Variants in FN1 observed in about 807,000 individuals in gnomAD.
FN1 encodes fibronectin.
A neutral mutation model predicts 297.3 loss-of-function variants in FN1; 106 were observed. The ratio of observed to expected loss-of-function variants is 0.36; its 90% CI spans 0.30 to 0.42. FN1 has a LOEUF of 0.42. Among genes scored for constraint, FN1 ranks in the 10% least tolerant of loss-of-function variants. The pLI, the probability that FN1 is intolerant of heterozygous loss-of-function variation, is 1.00. For synonymous variants in FN1, 1,149 were observed against 1,152.6 expected (o/e 1.00, Z 0.06); for missense variants, 2,690 against 3,124.9 (o/e 0.86, Z 3.32).
chr2:215,378,626 C>T (rs1318448252), intron 34 of FN1, among the ~76,000 whole-genome samples: 1 of 152,116 alleles, frequency 6.6e-6, no homozygotes, highest in Admixed American at 6.5e-5. Flanking sequence ...TCCATTTTGT[C>T]TCTGAACCCT....
chr2:215,379,012 AT>A, intron 34 of FN1, 117 bp downstream of exon 34: 3 of 966,568 alleles, frequency 3.1e-6, no homozygotes, highest in Non-Finnish European at 4.9e-6. Flanking sequence ...CAATAAGATT[AT>A]TTGATGCAGA....
intron 27 of FN1, among the ~76,000 whole-genome samples, chr2:215,387,823 T>C (rs1426457446): frequency 3.3e-5 from 5 of 152,334 alleles, no homozygotes; most frequent in Admixed American, 1.3e-4. Context: ...TAAATGCATA[T>C]TTTATTAAGT....
rs1414870590 is a variant in FN1 at position 215,410,517 on chromosome 2, T to A, written c.1942-403A>T. Reference sequence around the variant, plus strand: ...CACTGGGCACCTTCACTTTTTTTTTTTTTTTTTGAGACAGAGTTTTGCTCT... The same window carrying A: ...CACTGGGCACCTTCACTTTTTTTTTATTTTTTTGAGACAGAGTTTTGCTCT... On this transcript the variant is annotated intron_variant, in intron 13 of 45. Coordinates refer to ENST00000354785, the MANE Select transcript of FN1 (RefSeq NM_212482.4). Among the ~76,000 whole-genome samples the A allele has an allele frequency of 9.2e-5, 14 of 151,946 alleles. No individual in the cohort carries two copies. The East Asian group carries it at 2.7e-3, about 29-fold the overall frequency.
chr2:215,428,392 A>G, intron 5 of FN1, 54 bp from the exon 6 acceptor site: 2 of 1,531,474 alleles, frequency 1.3e-6, no homozygotes, highest in South Asian at 2.2e-5. Flanking sequence ...GCAAGTGGTC[A>G]ATTCAAACTT....
Position 215,372,148 on chromosome 2 carries a change from G to A in FN1, c.6475C>T (p.Pro2159Ser), listed in dbSNP as rs760226039. ...RRTTPPTTATPIRHRPRPYPP... is the reference protein window; with the variant it reads ...RRTTPPTTATSIRHRPRPYPP... ...TATGGTCTTGGCCTATGCCTTATGG[G>A]GGTGGCCGTTGTGGGCGGTGTGGTC... Residue 2159 changes from proline (P) to serine (S), a missense_variant, in exon 40 of 46, where the codon CCC (proline) becomes TCC (serine). Around this residue, in one of 3 missense-constraint regions of FN1, gnomAD observed 1,743 missense variants for 1,945.2 expected, o/e 0.90. Coordinates refer to ENST00000354785, the MANE Select transcript of FN1 (RefSeq NM_212482.4). 1.2e-6 allele frequency: 2 copies of A among 1,614,222 alleles called. No individual in the cohort carries two copies. The highest frequency in any genetic ancestry group is 2.2e-5 in the East Asian group (1 of 44,886).
chr2:215,429,038 CA>C (rs999053718), intron 5 of FN1, among the ~76,000 whole-genome samples: 2 of 150,812 alleles, frequency 1.3e-5, no homozygotes, highest in South Asian at 4.2e-4. Context: ...CAAAACAAAA[CA>C]AAAAAAACAA....
intron 31 of FN1, 35 bp from the exon 32 acceptor site, chr2:215,382,360 C>A (rs778157747): frequency 1.5e-6 from 2 of 1,354,530 alleles, no homozygotes; most frequent in Non-Finnish European, 2.1e-6. Context: ...GCAACATCCA[C>A]GTCATCCACT....
chr2:215,389,831 T>C (rs974406900), intron 26 of FN1, among the ~76,000 whole-genome samples: 5 of 152,084 alleles, frequency 3.3e-5, no homozygotes, highest in African/African-American at 1.2e-4. Flanking sequence ...ACCTAGATGG[T>C]AGAGCCTTTG....
intron 20 of FN1, among the ~76,000 whole-genome samples, chr2:215,399,758 G>A (rs1485448794): frequency 6.6e-6 from 1 of 152,140 alleles, no homozygotes; most frequent in Non-Finnish European, 1.5e-5. Context: ...TGACTTTGAT[G>A]ACAATAAATT....
rs1220192811 is a variant in FN1, at chr2:215,404,385, T to G, written c.3253+4A>C. 1 of 1,613,838 alleles carries G rather than the reference T, an allele frequency of 6.2e-7. No individual in the cohort carries two copies. The highest frequency in any genetic ancestry group is 2.2e-5 in the East Asian group (1 of 44,900). ...TAAGAAAAGGCACTTAATTTTCAGC[T>G]TACGTGTGGTAAAGACTCCAGTGGC... is the stretch of plus-strand genomic sequence containing the variant. On this transcript the variant is annotated splice_donor_region_variant and intron_variant, in intron 20 of 45. Coordinates refer to ENST00000354785, the MANE Select transcript of FN1 (RefSeq NM_212482.4).
Position 215,421,006 on chromosome 2 carries a change from C to T in FN1, c.1547-205G>A, listed in dbSNP as rs13416478. ...TTTGCCAAAAAAATTTTTTTCTTCCCAAAATGTGTAACTTTTGCAGAGGTT... is the reference window on the plus strand; with the variant it reads ...TTTGCCAAAAAAATTTTTTTCTTCCTAAAATGTGTAACTTTTGCAGAGGTT... On this transcript the variant is annotated intron_variant, in intron 10 of 45. Coordinates refer to ENST00000354785, the MANE Select transcript of FN1 (RefSeq NM_212482.4). 113,966 of 553,432 alleles carry T rather than the reference C, an allele frequency of 0.21. 13,720 individuals are homozygous for T. The highest frequency in any genetic ancestry group is 0.28 in the African/African-American group (14,705 of 52,760). The allele number at this position is 553,432 out of a possible 1,614,324, so 34.3% of individuals were successfully genotyped here.
rs765460308 is a variant in FN1 at position 215,384,846 on chromosome 2, T to G, written c.4729+14A>C. 6.6e-7 allele frequency: 1 copy of G among 1,510,404 alleles called. No homozygotes were observed. The highest frequency in any genetic ancestry group is 1.1e-5 in the South Asian group (1 of 89,078). 93.6% of individuals were successfully genotyped at this position (1,510,404 alleles called of 1,614,324 possible). ...GATTTAATCAGAGTGTAAAATAGCA[T>G]TTTACTGCTGTACCTGTCTCTCCGT... is the stretch of plus-strand genomic sequence containing the variant. On this transcript the variant is annotated intron_variant, in intron 29 of 45. Coordinates refer to ENST00000354785, the MANE Select transcript of FN1 (RefSeq NM_212482.4).
chr2:215,392,594 C>A, intron 25 of FN1: 1 of 350,410 alleles, frequency 2.9e-6, no homozygotes, highest in Non-Finnish European at 5.5e-6. Flanking sequence ...GGTACTTACG[C>A]AATTTGGTAT....
chr2:215,434,143 C>T (rs550671652), intron 2 of FN1, among the ~76,000 whole-genome samples: 7 of 152,128 alleles, frequency 4.6e-5, no homozygotes, highest in African/African-American at 1.4e-4. Flanking sequence ...TTCGAAGATC[C>T]CCACCTCCCA....
chr2:215,421,960 T>C (rs781521553), intron 10 of FN1, 131 bp downstream of exon 10: 1 of 875,880 alleles, frequency 1.1e-6, no homozygotes, highest in Non-Finnish European at 1.9e-6. Context: ...CCATGCACAG[T>C]AGACTAATGA....
At chr2:215,393,655 A>G (rs2059974145) in intron 24 of FN1, 1 of 152,240 alleles carries the variant, frequency 6.6e-6, no homozygotes, top group South Asian at 2.1e-4. Context: ...AATGGGTGAT[A>G]AATTGATTTT....
chr2:215,413,177 C>T (rs62183108), intron 13 of FN1, among the ~76,000 whole-genome samples: 8,281 of 152,206 alleles, frequency 0.054, 278 homozygotes, highest in South Asian at 0.11. Flanking sequence ...TGCAATGGCG[C>T]GATCTTGGCT....
chr2:215,410,130 A>AACACACACAC lies in FN1; in HGVS notation c.1942-26_1942-17dup. The AACACACACAC allele has an allele frequency of 1.1e-5, 16 of 1,423,000 alleles. No individual in the cohort carries two copies. Among genetic ancestry groups the AACACACACAC allele is most frequent in the Non-Finnish European group, 1.5e-5 (16 of 1,035,526 alleles). 88.1% of individuals were successfully genotyped at this position (1,423,000 alleles called of 1,614,324 possible). A position where few individuals can be genotyped will look rare whatever the true frequency, so the allele number is the denominator to read the frequency against. On this transcript the variant is annotated splice_polypyrimidine_tract_variant and intron_variant, in intron 13 of 45. Transcript: ENST00000354785. ...CAGAATTTTTCTGAAAATTTAAATT[A>AACACACACAC]ACACACACACACACACACACACGTG... is the stretch of plus-strand genomic sequence containing the variant.
At chr2:215,406,921 C>CATAA (rs2061849605) in intron 18 of FN1, among the ~76,000 whole-genome samples, 1 of 151,876 alleles carries the variant, frequency 6.6e-6, no homozygotes, top group Non-Finnish European at 1.5e-5. Context: ...TGTAGATGGA[C>CATAA]GTTATGGTGT....
Sources: gnomAD v4.1 joint callset for allele counts (sites outside exome capture counted in the v4.1 genomes callset) on GRCh38, gnomAD v4.1.1 for gene constraint, gnomAD v4.1.1 regional missense constraint, MANE v1.5 for transcripts, NCBI Gene and HGNC (gene_info 2026-07-23, HGNC 2026-07-21) for gene names.